Variants in APBB2 observed in about 807,000 individuals in gnomAD.
APBB2 encodes the protein Fe65-like 1.
In APBB2, 38 loss-of-function variants were observed where a neutral mutation model predicts 82.5. That is an observed-to-expected ratio of 0.46 (90% CI 0.36 to 0.60). The LOEUF (loss-of-function observed/expected upper bound fraction) is 0.60, where lower values mean the gene tolerates loss of function less well. Among genes scored for constraint, APBB2 ranks in the 20% least tolerant of loss-of-function variants. The probability of loss-of-function intolerance (pLI) is 0.00; values close to 1 mark genes in which losing one functional copy is unlikely to be tolerated. For synonymous variants in APBB2, 341 were observed against 368.2 expected, an observed-to-expected ratio of 0.93 and a Z score of 0.85; for missense variants, 772 against 972.3, an observed-to-expected ratio of 0.79 and a Z score of 2.74.
intron 3 of APBB2, among the ~76,000 whole-genome samples, chr4:41,067,986 A>G (rs1732525000): frequency 6.6e-6 from 1 of 152,146 alleles, no homozygotes; most frequent in Non-Finnish European, 1.5e-5. Flanking sequence ...TGAGATCTCA[A>G]AAGAGGTGGG....
chr4:41,175,488 G>C (rs1299492746), intron 1 of APBB2, among the ~76,000 whole-genome samples: 1 of 151,848 alleles, frequency 6.6e-6, no homozygotes, highest in Non-Finnish European at 1.5e-5. Flanking sequence ...ACAAAAGATT[G>C]GAAATAAAAA....
chr4:40,821,189 C>T (rs1479521935), intron 17 of APBB2, among the ~76,000 whole-genome samples: 1 of 152,180 alleles, frequency 6.6e-6, no homozygotes, highest in Non-Finnish European at 1.5e-5. Flanking sequence ...TTTATTAGAA[C>T]TTTTGCAGTG....
At chr4:40,896,142 G>A (rs1400146436) in intron 10 of APBB2, among the ~76,000 whole-genome samples, 1 of 151,732 alleles carries the variant, frequency 6.6e-6, no homozygotes, top group African/African-American at 2.4e-5. Context: ...TCAGCTCACT[G>A]CAACCTCCAC....
At position 41,056,043 on chromosome 4, in the gene APBB2, A is replaced by C. The variant is rs377037563; in HGVS notation, c.-51+9533T>G. 4.1e-4 allele frequency among the ~76,000 whole-genome samples: 63 copies of C among 152,090 alleles called. 1 individual carries two copies. The East Asian group carries it at 0.011, about 28-fold the overall frequency. ...CCCTGTCTCTACTAAAAATACAAAAAATTAGCCAGGCATGGTGGCAGGTGC... is the reference window on the plus strand; with the variant it reads ...CCCTGTCTCTACTAAAAATACAAAACATTAGCCAGGCATGGTGGCAGGTGC... On this transcript the variant is annotated intron_variant, in intron 4 of 17. Coordinates refer to ENST00000508593, the MANE Select transcript of APBB2 (RefSeq NM_004307.2).
At chr4:40,885,171 C>A (rs1327038387) in intron 12 of APBB2, among the ~76,000 whole-genome samples, 3 of 152,156 alleles carry the variant, frequency 2.0e-5, no homozygotes, top group African/African-American at 7.2e-5. Context: ...TTAAATGGTC[C>A]ATTTTCAAGG....
intron 7 of APBB2, among the ~76,000 whole-genome samples, chr4:40,936,544 A>G (rs986213171): frequency 1.3e-5 from 2 of 152,266 alleles, no homozygotes; most frequent in Non-Finnish European, 2.9e-5. Flanking sequence ...GGCGTAAGCC[A>G]TGGCGCCTGG....
At chr4:40,978,886 T>C (rs1316778586) in intron 6 of APBB2, among the ~76,000 whole-genome samples, 1 of 152,146 alleles carries the variant, frequency 6.6e-6, no homozygotes, top group Non-Finnish European at 1.5e-5. Flanking sequence ...CTCATTAAAG[T>C]CAATGAACTG....
At chr4:41,096,955 C>G (rs1483265894) in intron 3 of APBB2, among the ~76,000 whole-genome samples, 1 of 152,158 alleles carries the variant, frequency 6.6e-6, no homozygotes, top group African/African-American at 2.4e-5. Context: ...AATGTTCGCT[C>G]AATAAATGAA....
At chr4:41,029,983 C>T (rs1418560153) in intron 5 of APBB2, among the ~76,000 whole-genome samples, 3 of 152,122 alleles carry the variant, frequency 2.0e-5, no homozygotes, top group Admixed American at 1.3e-4. Flanking sequence ...AGTGAAATCC[C>T]GTCTCTACTA....
At chr4:41,163,553 C>G (rs1386951139) in intron 1 of APBB2, among the ~76,000 whole-genome samples, 1 of 152,118 alleles carries the variant, frequency 6.6e-6, no homozygotes, top group East Asian at 1.9e-4. Flanking sequence ...GAAAAATTAT[C>G]CCTATAGTTC....
intron 6 of APBB2, among the ~76,000 whole-genome samples, chr4:40,948,751 C>T (rs936318950): frequency 1.6e-5 from 2 of 125,988 alleles, no homozygotes; most frequent in African/African-American, 6.5e-5. Flanking sequence ...CAGAGTGAGA[C>T]TCCCATCTTA....
chr4:41,052,476 G>T (rs570398408), intron 4 of APBB2, among the ~76,000 whole-genome samples: 1 of 152,230 alleles, frequency 6.6e-6, no homozygotes, highest in Admixed American at 6.5e-5. Context: ...TGTCATATCA[G>T]TGTCTGTCAA....
intron 10 of APBB2, among the ~76,000 whole-genome samples, chr4:40,924,630 G>T (rs111656348): frequency 2.6e-5 from 4 of 152,224 alleles, no homozygotes; most frequent in African/African-American, 9.6e-5. Flanking sequence ...AGGACGTGAG[G>T]AGGAGCACTG....
chr4:40,823,489 C>T (rs896219443), intron 16 of APBB2, among the ~76,000 whole-genome samples, 155 bp downstream of exon 16: 2 of 152,210 alleles, frequency 1.3e-5, no homozygotes, highest in African/African-American at 4.8e-5. Context: ...CAGATTTAGA[C>T]CCAGACAAAG....
chr4:40,873,019 C>T (rs963563866), intron 12 of APBB2, among the ~76,000 whole-genome samples: 3 of 146,292 alleles, frequency 2.1e-5, no homozygotes, highest in African/African-American at 5.1e-5. Flanking sequence ...ACACAGGAGG[C>T]GGAGGTTGCA....
chr4:41,046,923 T>C (rs11730474), intron 4 of APBB2, among the ~76,000 whole-genome samples: 25,409 of 152,236 alleles, frequency 0.17, 2,305 homozygotes, highest in Non-Finnish European at 0.21. Context: ...TGATCTGTGA[T>C]TCTGATGAAC....
intron 6 of APBB2, among the ~76,000 whole-genome samples, chr4:40,965,623 TAAATA>T (rs1794494617): frequency 6.6e-6 from 1 of 152,236 alleles, no homozygotes; most frequent in Non-Finnish European, 1.5e-5. Flanking sequence ...TATATTGAGT[TAAATA>T]AAATAGATGA....
intron 4 of APBB2, among the ~76,000 whole-genome samples, chr4:41,055,595 T>G (rs1032821108): frequency 6.6e-5 from 10 of 152,118 alleles, no homozygotes; most frequent in African/African-American, 2.4e-4. Context: ...GAACTTCCTC[T>G]CTCCCCAACA....
intron 2 of APBB2, among the ~76,000 whole-genome samples, chr4:41,135,169 C>CAA (rs5857778): frequency 6.0e-5 from 6 of 99,534 alleles, no homozygotes; most frequent in Non-Finnish European, 6.1e-5. Context: ...CTTGAGCCCT[C>CAA]AAAAAAAAAA....
Sources: allele counts gnomAD v4.1 joint callset (sites outside exome capture counted in the v4.1 genomes callset), GRCh38; gene constraint gnomAD v4.1.1; transcripts MANE v1.5; gene names NCBI Gene and HGNC (gene_info 2026-07-23, HGNC 2026-07-21).